MFHAS1: variants seen among roughly 807,000 people sequenced by gnomAD.
MFHAS1 encodes the protein malignant fibrous histiocytoma-amplified sequence 1.
MFHAS1 carries 50 observed loss-of-function variants against 70.4 expected under a neutral mutation model. The observed-to-expected ratio is 0.71, with a 90% CI of 0.57 to 0.90. The LOEUF (loss-of-function observed/expected upper bound fraction) is 0.90, where lower values mean the gene tolerates loss of function less well. Ranked by LOEUF, MFHAS1 falls within the 40% of genes least tolerant of loss-of-function variation. The probability of loss-of-function intolerance (pLI) is 0.00; values close to 1 mark genes in which losing one functional copy is unlikely to be tolerated. For synonymous variants in MFHAS1, 952 were observed against 620.0 expected, an observed-to-expected ratio of 1.54 and a Z score of -7.96; for missense variants, 1,795 against 1,347.6, an observed-to-expected ratio of 1.33 and a Z score of -5.20.
At chr8:8,866,078 C>T (rs976810255) in intron 1 of MFHAS1, among the ~76,000 whole-genome samples, 3 of 152,186 alleles carry the variant, frequency 2.0e-5, no homozygotes, top group Admixed American at 6.5e-5. Flanking sequence ...TTTTAGAAAG[C>T]TCTACTCCTA....
intron 1 of MFHAS1, among the ~76,000 whole-genome samples, chr8:8,801,439 G>A (rs1453778650): frequency 1.3e-5 from 2 of 152,156 alleles, no homozygotes; most frequent in Admixed American, 1.3e-4. Context: ...CAAATACTGA[G>A]CAGCAAGCAG....
chr8:8,816,809 C>A (rs145500587), intron 1 of MFHAS1, among the ~76,000 whole-genome samples: 27 of 152,282 alleles, frequency 1.8e-4, no homozygotes, highest in African/African-American at 5.5e-4. Flanking sequence ...CATGGAAACA[C>A]ACCTACTGAC....
At chr8:8,846,510 T>C (rs1180222568) in intron 1 of MFHAS1, among the ~76,000 whole-genome samples, 1 of 151,988 alleles carries the variant, frequency 6.6e-6, no homozygotes, top group African/African-American at 2.4e-5. Flanking sequence ...CACCACACAC[T>C]CTCCAGGACC....
At chr8:8,861,917 C>G (rs1440466945) in intron 1 of MFHAS1, among the ~76,000 whole-genome samples, 6 of 152,190 alleles carry the variant, frequency 3.9e-5, no homozygotes, top group African/African-American at 7.2e-5. Flanking sequence ...CTTGCTATGT[C>G]GCATACCACA....
At chr8:8,791,717 G>A (rs1311273207) in intron 2 of MFHAS1, among the ~76,000 whole-genome samples, 2 of 152,168 alleles carry the variant, frequency 1.3e-5, no homozygotes, top group East Asian at 3.9e-4. Flanking sequence ...CCCACGGGAA[G>A]TATAGGTTTG....
intron 2 of MFHAS1, among the ~76,000 whole-genome samples, chr8:8,796,018 T>G (rs1187614200): frequency 1.3e-5 from 2 of 152,226 alleles, no homozygotes; most frequent in Admixed American, 1.3e-4. Flanking sequence ...CTGTGGCTGC[T>G]GCTTTTCAGG....
At chr8:8,828,344 A>C (rs1039916) in intron 1 of MFHAS1, among the ~76,000 whole-genome samples, 16 of 152,018 alleles carry the variant, frequency 1.1e-4, no homozygotes, top group Middle Eastern at 3.2e-3. Context: ...AAAGCCATCA[A>C]ATACAGAAGA....
chr8:8,804,679 T>C (rs944833956), intron 1 of MFHAS1, among the ~76,000 whole-genome samples: 1 of 152,186 alleles, frequency 6.6e-6, no homozygotes, highest in African/African-American at 2.4e-5. Flanking sequence ...AAAGTGGTGA[T>C]AGTTATAGGC....
At position 8,876,538 on chromosome 8, in the gene MFHAS1, C is replaced by T. The variant is rs563047331; in HGVS notation, c.2998+13523G>A. 9.9e-5 allele frequency among the ~76,000 whole-genome samples: 15 copies of T among 152,040 alleles called. No individual in the cohort carries two copies. In the South Asian group the frequency reaches 3.1e-3, roughly 32 times the overall value. On this transcript the variant is annotated intron_variant, in intron 1 of 2. Transcript: ENST00000276282. ...CTGCCTCAGGTCAGCAGTTCGAGAC[C>T]AGTGTGGCTAACGTGGTGAAACCCC...
At chr8:8,827,740 G>T (rs1442965184) in intron 1 of MFHAS1, among the ~76,000 whole-genome samples, 1 of 152,100 alleles carries the variant, frequency 6.6e-6, no homozygotes, top group Non-Finnish European at 1.5e-5. Flanking sequence ...TTTTCTTTTA[G>T]GAAAGTTAGC....
intron 1 of MFHAS1, among the ~76,000 whole-genome samples, chr8:8,828,219 C>T (rs923412975): frequency 2.0e-5 from 3 of 152,164 alleles, no homozygotes; most frequent in Non-Finnish European, 2.9e-5. Context: ...AATAAATTAA[C>T]AGGATGAAAC....
chr8:8,860,479 G>C (rs896966120), intron 1 of MFHAS1, among the ~76,000 whole-genome samples: 35 of 152,296 alleles, frequency 2.3e-4, no homozygotes, highest in African/African-American at 8.2e-4. Context: ...CTAGAAGCCT[G>C]AGAAAATAAG....
Position 8,890,204 on chromosome 8 carries a change from A to G in MFHAS1, c.2855T>C (p.Ile952Thr), listed in dbSNP as rs2116948255. The change falls in exon 1 of 3, where the codon ATA (isoleucine) becomes ACA (threonine). Residue 952 changes from isoleucine to threonine, a missense_variant. Ile to Thr is a moderately conservative substitution (Grantham distance 89). Transcript: ENST00000276282. ...GGTTATGGCTTGCCATGCGGTCCAT[A>G]TATTTGGTAATGATGCATGGCTAGC... ...SIASHASLPN[I>T]WTAWQAITPL... The G allele has an allele frequency of 6.2e-7, 1 of 1,614,170 alleles. No individual in the cohort carries two copies. The highest frequency in any genetic ancestry group is 8.5e-7 in the Non-Finnish European group (1 of 1,180,038).
intron 2 of MFHAS1, among the ~76,000 whole-genome samples, chr8:8,792,603 C>T (rs1805756880): frequency 6.6e-6 from 1 of 152,108 alleles, no homozygotes; most frequent in Non-Finnish European, 1.5e-5. Context: ...GAGACTTCAT[C>T]TCAAAAAAAT....
At chr8:8,857,108 T>C (rs1181266432) in intron 1 of MFHAS1, among the ~76,000 whole-genome samples, 1 of 148,854 alleles carries the variant, frequency 6.7e-6, no homozygotes, top group African/African-American at 2.5e-5. Flanking sequence ...CTAAAAAGAG[T>C]CTTAGAATGC....
At position 8,891,910 on chromosome 8, in the gene MFHAS1, C is replaced by T. The variant is rs764809118; in HGVS notation, c.1149G>A (p.Glu383=). ...TGTAGGGGATCCCCTTCATGCAGAC[C>T]TCGTAGGGGGGCTGGATCAGTGGGT... ...KDNPLIQPPY[E]VCMKGIPYIA... The change falls in exon 1 of 3, where the codon GAG becomes GAA. Residue 383 remains glutamate, a synonymous_variant. Coordinates refer to ENST00000276282, the MANE Select transcript of MFHAS1 (RefSeq NM_004225.3). The surrounding 1 kb of genome is among the most constrained non-coding windows in gnomAD (Gnocchi z 5.4). 1.3e-5 allele frequency: 21 copies of T among 1,610,444 alleles called. No individual in the cohort carries two copies. The East Asian group carries it at 2.2e-4, about 17-fold the overall frequency.
chr8:8,879,558 C>T (rs1055664012), intron 1 of MFHAS1, among the ~76,000 whole-genome samples: 3 of 152,194 alleles, frequency 2.0e-5, no homozygotes, highest in African/African-American at 7.2e-5. Flanking sequence ...TTTCCACCTA[C>T]TCATACATCT....
intron 2 of MFHAS1, among the ~76,000 whole-genome samples, chr8:8,795,604 A>G (rs1223763777): frequency 2.0e-5 from 3 of 152,230 alleles, no homozygotes; most frequent in Non-Finnish European, 4.4e-5. Context: ...TGTTCTATGT[A>G]ATGAGTTTCC....
At chr8:8,846,917 C>G (rs1037719178) in intron 1 of MFHAS1, among the ~76,000 whole-genome samples, 2 of 152,148 alleles carry the variant, frequency 1.3e-5, no homozygotes, top group Non-Finnish European at 2.9e-5. Context: ...CTTTGATACA[C>G]TGCATTCAAC....
Sources: gnomAD v4.1 joint callset for allele counts (sites outside exome capture counted in the v4.1 genomes callset) on GRCh38, gnomAD v4.1.1 for gene constraint, Gnocchi (gnomAD v3.1) non-coding constraint, MANE v1.5 for transcripts, NCBI Gene and HGNC (gene_info 2026-07-23, HGNC 2026-07-21) for gene names.